OXNAD1: variants seen among roughly 807,000 people sequenced by gnomAD.
The protein encoded by OXNAD1 is oxidoreductase NAD-binding domain-containing protein 1.
OXNAD1 carries 34 observed loss-of-function variants against 32.9 expected under a neutral mutation model. The observed-to-expected ratio is 1.03, with a 90% CI of 0.79 to 1.38. The LOEUF is 1.38. OXNAD1 is among the 40% of genes most tolerant of loss of function. The pLI is 0.00. For missense variants in OXNAD1, 407 were observed against 379.4 expected (o/e 1.07, Z -0.60); for synonymous variants, 134 against 135.2 (o/e 0.99, Z 0.06).
chr3:16,320,353 C>A lies in OXNAD1; in HGVS notation c.*31-16759C>A, dbSNP rs182460455. Among the ~76,000 whole-genome samples the A allele has an allele frequency of 6.6e-6, 1 of 152,346 alleles. No individual in the cohort carries two copies. Among genetic ancestry groups the A allele is most frequent in the African/African-American group, 2.4e-5 (1 of 41,582 alleles). On this transcript the variant is annotated intron_variant, in intron 9 of 9. Transcript: ENST00000435829. This position sits in a 1 kb window ranked among gnomAD's most constrained non-coding sequence, Gnocchi z 4.5. ...TAAAAGAAGACTAAATATGCCACAT[C>A]CTCGGTGTGCCAATCTTGCAGTTTC...
At chr3:16,293,484 A>T (rs996620686) in intron 5 of OXNAD1, among the ~76,000 whole-genome samples, 1 of 152,186 alleles carries the variant, frequency 6.6e-6, no homozygotes, top group African/African-American at 2.4e-5. Context: ...CTGCAATCTG[A>T]ATGCCTTTTA....
rs975007052 is a variant in OXNAD1, at chr3:16,345,834, G to A, written c.*31-3342G>A. On this transcript the variant is annotated intron_variant, in intron 9 of 9. Transcript: ENST00000606098. This position sits in a 1 kb window ranked among gnomAD's most constrained non-coding sequence, Gnocchi z 5.2. The stretch of plus-strand genomic sequence containing the variant: ...TGTGTGTGTGCGCGCGCGCGTGCGC[G>A]CACGCGCACATGTGCATGTGTATGT... Among the ~76,000 whole-genome samples, 63 of 65,304 alleles carry A rather than the reference G, an allele frequency of 9.6e-4. 1 individual carries two copies. The highest frequency in any genetic ancestry group is 3.3e-3 in the African/African-American group (57 of 17,346). The allele number at this position is 65,304 out of a possible 152,430, so 42.8% of individuals were successfully genotyped here.
At chr3:16,306,520 G>A (rs934914684), downstream of OXNAD1, among the ~76,000 whole-genome samples, 11 of 150,358 alleles carry the variant, frequency 7.3e-5, no homozygotes, top group Admixed American at 6.0e-4. Flanking sequence ...TCAAAAGTCC[G>A]AATATTGCAT....
At chr3:16,342,284 A>T (rs2071368557), downstream of OXNAD1, among the ~76,000 whole-genome samples, 1 of 152,054 alleles carries the variant, frequency 6.6e-6, no homozygotes, top group Admixed American at 6.6e-5. This position sits in a 1 kb window ranked among gnomAD's most constrained non-coding sequence, Gnocchi z 4.0. Context: ...ATATAAATGG[A>T]TTCATATAAT....
downstream of OXNAD1, among the ~76,000 whole-genome samples, chr3:16,341,366 C>T (rs761533251): frequency 4.6e-5 from 7 of 152,220 alleles, no homozygotes; most frequent in Non-Finnish European, 7.3e-5. This position sits in a 1 kb window ranked among gnomAD's most constrained non-coding sequence, Gnocchi z 4.7. Context: ...CTGTTTATAG[C>T]AGCTTTATTC....
At chr3:16,286,806 C>T (rs2066106090) in intron 5 of OXNAD1, among the ~76,000 whole-genome samples, 1 of 152,188 alleles carries the variant, frequency 6.6e-6, no homozygotes, top group Non-Finnish European at 1.5e-5. Context: ...CCTTGAGTTA[C>T]GTGTTGCAGG....
downstream of OXNAD1, among the ~76,000 whole-genome samples, chr3:16,340,775 A>G (rs1369502748): frequency 1.3e-5 from 2 of 152,240 alleles, no homozygotes; most frequent in African/African-American, 4.8e-5. Flanking sequence ...AACAACATCA[A>G]GAATTTTCAA....
intron 4 of OXNAD1, among the ~76,000 whole-genome samples, chr3:16,282,081 C>A (rs2065787403): frequency 7.8e-6 from 1 of 128,776 alleles, no homozygotes; most frequent in Admixed American, 9.2e-5. Context: ...TGGGGTTTTG[C>A]CACGTTGCCC....
At chr3:16,272,851 A>G (rs924340335) in intron 4 of OXNAD1, among the ~76,000 whole-genome samples, 1 of 138,856 alleles carries the variant, frequency 7.2e-6, no homozygotes, top group Admixed American at 7.2e-5. Flanking sequence ...GCAAATTATG[A>G]AAAAAAAAAG....
At chr3:16,310,591 A>C (rs574099722), downstream of OXNAD1, among the ~76,000 whole-genome samples, 1 of 152,186 alleles carries the variant, frequency 6.6e-6, no homozygotes, top group Non-Finnish European at 1.5e-5. Context: ...ATGAATGAAT[A>C]TCTCTACTCT....
chr3:16,332,510 G>C (rs145278180), intron 9 of OXNAD1, among the ~76,000 whole-genome samples: 2 of 150,928 alleles, frequency 1.3e-5, no homozygotes, highest in Non-Finnish European at 2.9e-5. Flanking sequence ...TTATCTCCAC[G>C]GTTCCCAGGT....
At chr3:16,309,907 T>TGTCTAAGGAGTATCTTAACTCTC (rs1353233236), downstream of OXNAD1, among the ~76,000 whole-genome samples, 1 of 152,232 alleles carries the variant, frequency 6.6e-6, no homozygotes, top group Non-Finnish European at 1.5e-5. Flanking sequence ...TACTGAGAGA[T>TGTCTAAGGAGTATCTTAACTCTC]GTCTAAGGAG....
intron 9 of OXNAD1, among the ~76,000 whole-genome samples, chr3:16,323,098 G>C (rs1232001556): frequency 3.3e-5 from 5 of 152,138 alleles, no homozygotes; most frequent in Non-Finnish European, 7.4e-5. Context: ...TTTCATCCTA[G>C]TGGGAATATC....
rs1302050614 is a variant in OXNAD1 at position 16,321,282 on chromosome 3, AAGG to A, written c.*31-15827_*31-15825del. Among the ~76,000 whole-genome samples the A allele has an allele frequency of 6.6e-6, 1 of 152,096 alleles. No homozygotes were observed. The highest frequency in any genetic ancestry group is 1.9e-4 in the East Asian group (1 of 5,196). ...AATGGTCATTGGCACAGAGGTGGTG[AAGG>A]AGATTTTCTAAGGAAGAGGCAAGAG... On this transcript the variant is annotated intron_variant, in intron 9 of 9. Transcript: ENST00000435829. This position sits in a 1 kb window ranked among gnomAD's most constrained non-coding sequence, Gnocchi z 4.8.
At chr3:16,274,691 G>T (rs1282717637) in intron 4 of OXNAD1, among the ~76,000 whole-genome samples, 1 of 152,188 alleles carries the variant, frequency 6.6e-6, no homozygotes, top group African/African-American at 2.4e-5. Context: ...GTCTTGATAA[G>T]TAACTTGCCC....
chr3:16,277,005 A>G lies in OXNAD1; in HGVS notation c.183+5283A>G, dbSNP rs145170899. 4.5e-4 allele frequency among the ~76,000 whole-genome samples: 63 copies of G among 139,730 alleles called. No individual in the cohort carries two copies. The highest frequency in any genetic ancestry group is 1.6e-3 in the African/African-American group (61 of 37,546). The allele number at this position is 139,730 out of a possible 152,430, so 91.7% of individuals were successfully genotyped here. A position where few individuals can be genotyped will look rare whatever the true frequency, so the allele number is the denominator to read the frequency against. ...AATGGTGCGATCTTGGCTCACTGCA[A>G]CCTCTGCCTCCCGGGTTCAAGTGAC... On this transcript the variant is annotated intron_variant, in intron 4 of 8. Coordinates refer to ENST00000285083, the MANE Select transcript of OXNAD1 (RefSeq NM_138381.5). The surrounding 1 kb of genome is among the most constrained non-coding windows in gnomAD (Gnocchi z 4.3).
At position 16,302,625 on chromosome 3, in the gene OXNAD1, T is replaced by A. The variant is rs1157624728; in HGVS notation, c.676-15T>A. The A allele has an allele frequency of 6.4e-7, 1 of 1,566,618 alleles. No homozygotes were observed. The highest frequency in any genetic ancestry group is 1.7e-5 in the Admixed American group (1 of 59,200). On this transcript the variant is annotated splice_polypyrimidine_tract_variant and intron_variant, in intron 7 of 8. Coordinates refer to ENST00000285083, the MANE Select transcript of OXNAD1 (RefSeq NM_138381.5). This position sits in a 1 kb window ranked among gnomAD's most constrained non-coding sequence, Gnocchi z 4.2. ...TTTAAAATTGTAGTGTGACCAAATA[T>A]GTTTGACATTCCAGAAAAATATCCT...
intron 4 of OXNAD1, among the ~76,000 whole-genome samples, chr3:16,281,514 T>C (rs1201696790): frequency 3.3e-5 from 5 of 152,112 alleles, no homozygotes; most frequent in South Asian, 2.1e-4. Flanking sequence ...TATTCCAAAA[T>C]TGAAAAAAAA....
rs138824916 is a variant in OXNAD1 at position 16,317,089 on chromosome 3, T to C, written c.*30+13497T>C. On this transcript the variant is annotated intron_variant, in intron 9 of 9. Coordinates refer to the OXNAD1 transcript ENST00000435829. The surrounding 1 kb of genome is among the most constrained non-coding windows in gnomAD (Gnocchi z 4.3). The stretch of plus-strand genomic sequence containing the variant: ...CCTGCTGCTGTCCTGAAACACAGTT[T>C]CCCATGTCTCCAGCTTTGGAAGACT... 9.9e-6 allele frequency: 16 copies of C among 1,613,856 alleles called. No homozygotes were observed. The African/African-American group carries it at 2.1e-4, about 22-fold the overall frequency.
Sources: allele counts gnomAD v4.1 joint callset (sites outside exome capture counted in the v4.1 genomes callset), GRCh38; gene constraint gnomAD v4.1.1; non-coding constraint Gnocchi (gnomAD v3.1); transcripts MANE v1.5; gene names NCBI Gene and HGNC (gene_info 2026-07-23, HGNC 2026-07-21).